Variants in IFIH1 observed in about 807,000 individuals in gnomAD.
IFIH1 encodes the protein interferon-induced helicase C domain-containing protein 1.
A neutral mutation model predicts 107.4 loss-of-function variants in IFIH1; 125 were observed. The ratio of observed to expected loss-of-function variants is 1.16; its 90% CI spans 1.01 to 1.35. The LOEUF (loss-of-function observed/expected upper bound fraction) is 1.35, where lower values mean the gene tolerates loss of function less well. Ranked by LOEUF, IFIH1 falls within the 40% of genes most tolerant of loss-of-function variation. The pLI is 0.00. For synonymous variants in IFIH1, 458 were observed against 413.2 expected (o/e 1.11, Z -1.31); for missense variants, 1,333 against 1,213.7 (o/e 1.10, Z -1.46).
intron 10 of IFIH1, 85 bp downstream of exon 10, chr2:162,277,330 T>G: frequency 1.0e-6 from 1 of 954,306 alleles, no homozygotes; most frequent in East Asian, 2.4e-5. Context: ...AAGATATTTC[T>G]CTTTTTGGAG....
At position 162,270,439 on chromosome 2, in the gene IFIH1, T is replaced by C. The variant is rs1051870789; in HGVS notation, c.2616+1787A>G. Among the ~76,000 whole-genome samples, 10 of 152,188 alleles carry C rather than the reference T, an allele frequency of 6.6e-5. 1 individual carries two copies. Among genetic ancestry groups the C allele is most frequent in the African/African-American group, 1.9e-4 (8 of 41,446 alleles). On this transcript the variant is annotated intron_variant, in intron 13 of 15. Transcript: ENST00000649979. ...TGCTCAAATTAGAAGAAAGTAAACA[T>C]CTTCCCAGTAGCAATGTTTTCTACA... is the stretch of plus-strand genomic sequence containing the variant.
intron 3 of IFIH1, among the ~76,000 whole-genome samples, chr2:162,305,672 C>T (rs1445398108): frequency 6.6e-6 from 1 of 152,204 alleles, no homozygotes; most frequent in Non-Finnish European, 1.5e-5. Context: ...CAGGAGCTAA[C>T]TGGTAACTTT....
rs896477290 is a variant in IFIH1 at position 162,288,127 on chromosome 2, T to C, written c.1095+8A>G. The stretch of plus-strand genomic sequence containing the variant: ...ATGATCAACTAGTGTTATGTGTTCT[T>C]TGAATACCTTATTGACAAGAACTAT... On this transcript the variant is annotated splice_region_variant and intron_variant, in intron 5 of 15. Transcript: ENST00000649979. 2 of 1,573,466 alleles carry C rather than the reference T, an allele frequency of 1.3e-6. No homozygotes were observed. The highest frequency in any genetic ancestry group is 2.7e-5 in the African/African-American group (2 of 73,814).
intron 3 of IFIH1, among the ~76,000 whole-genome samples, chr2:162,304,974 G>A (rs1371287024): frequency 6.6e-6 from 1 of 152,112 alleles, no homozygotes; most frequent in East Asian, 1.9e-4. Context: ...AGCAAACTGT[G>A]ACATAAGTAC....
chr2:162,295,064 G>A (rs924520172), intron 3 of IFIH1, among the ~76,000 whole-genome samples: 4 of 151,918 alleles, frequency 2.6e-5, no homozygotes, highest in Admixed American at 2.0e-4. Flanking sequence ...TTTGACAAAT[G>A]TATACAGTTT....
At chr2:162,314,106 C>G (rs939244769) in intron 1 of IFIH1, among the ~76,000 whole-genome samples, 4 of 152,142 alleles carry the variant, frequency 2.6e-5, no homozygotes, top group African/African-American at 9.7e-5. Context: ...TGATCACTTT[C>G]GTTCCCAGAG....
At position 162,281,527 on chromosome 2, in the gene IFIH1, A is replaced by C. The variant is rs1252650971; in HGVS notation, c.1325T>G (p.Ile442Ser). ...VQLSDFSLII[I>S]DECHHTNKEA... ...TTTGTTGGTGTGATGACATTCATCA[A>C]TGATAATGAGGGAAAAGTCTTAAAA... The change falls in exon 7 of 16, where the codon ATT becomes AGT. Residue 442 changes from isoleucine (I) to serine (S), a missense_variant. Ile to Ser is a moderately radical substitution (Grantham distance 142). Coordinates refer to ENST00000649979, the MANE Select transcript of IFIH1 (RefSeq NM_022168.4). 1 of 1,609,430 alleles carries C rather than the reference A, an allele frequency of 6.2e-7. No homozygotes were observed. Among genetic ancestry groups the C allele is most frequent in the Admixed American group, 1.7e-5 (1 of 59,676 alleles).
At chr2:162,282,072 T>A (rs1576226936) in intron 6 of IFIH1, among the ~76,000 whole-genome samples, 2 of 152,126 alleles carry the variant, frequency 1.3e-5, no homozygotes, top group East Asian at 3.9e-4. Flanking sequence ...ATTTTTATTC[T>A]ATGGGAAAGG....
chr2:162,277,477 T>A lies in IFIH1; in HGVS notation c.1982A>T (p.Asp661Val). 6.2e-7 allele frequency: 1 copy of A among 1,606,096 alleles called. No homozygotes were observed. Among genetic ancestry groups the A allele is most frequent in the East Asian group, 2.2e-5 (1 of 44,764 alleles). Residue 661 changes from aspartate to valine, a missense_variant, in exon 10 of 16, where the codon GAT becomes GTT. Coordinates refer to ENST00000649979, the MANE Select transcript of IFIH1 (RefSeq NM_022168.4). The stretch of plus-strand genomic sequence containing the variant: ...CAGTTTCAAAGGTTTCTTTAAATCA[T>A]CCTCATCTTCATCACCATCACAATA... ...DEYCDGDEDE[D>V]DLKKPLKLDE...
At position 162,273,883 on chromosome 2, in the gene IFIH1, G is replaced by A. The variant is rs778200491; in HGVS notation, c.2366C>T (p.Thr789Ile). 2.2e-5 allele frequency: 36 copies of A among 1,609,974 alleles called. No individual in the cohort carries two copies. In the East Asian group the frequency reaches 6.9e-4, roughly 31 times the overall value. ...ATCCAGACCTTCTTCTGCCACTGTG[G>A]TAGCGATAAGCAGATTTATTTTTCC... is the stretch of plus-strand genomic sequence containing the variant. Reference protein sequence around the residue: ...RTGKINLLIATTVAEEGLDIK... With the variant: ...RTGKINLLIAITVAEEGLDIK... The change falls in exon 12 of 16, where the codon ACC (threonine) becomes ATC (isoleucine). Residue 789 changes from threonine (T) to isoleucine (I), a missense_variant. Coordinates refer to ENST00000649979, the MANE Select transcript of IFIH1 (RefSeq NM_022168.4).
At position 162,277,723 on chromosome 2, in the gene IFIH1, T is replaced by C. The variant is rs771474528; in HGVS notation, c.1766-30A>G. On this transcript the variant is annotated intron_variant, in intron 9 of 15. Coordinates refer to ENST00000649979, the MANE Select transcript of IFIH1 (RefSeq NM_022168.4). ...GAAAAAATATATTATGTAAGTGAAA[T>C]AATAAGCATATAAACCCCCTAAAAT... 6 of 1,578,734 alleles carry C rather than the reference T, an allele frequency of 3.8e-6. No homozygotes were observed. The African/African-American group carries it at 5.4e-5, about 14-fold the overall frequency.
intron 1 of IFIH1, among the ~76,000 whole-genome samples, chr2:162,317,511 A>T (rs935924962): frequency 6.6e-6 from 1 of 152,206 alleles, no homozygotes; most frequent in African/African-American, 2.4e-5. Flanking sequence ...AATGGAGTTA[A>T]TAACATTAGG....
chr2:162,307,721 A>G (rs1178976291), intron 2 of IFIH1, among the ~76,000 whole-genome samples: 1 of 152,182 alleles, frequency 6.6e-6, no homozygotes, highest in Non-Finnish European at 1.5e-5. Flanking sequence ...AATGTGCCCC[A>G]CTTTGTATGG....
chr2:162,304,508 A>G (rs1303228010), intron 3 of IFIH1, among the ~76,000 whole-genome samples: 1 of 152,158 alleles, frequency 6.6e-6, no homozygotes, highest in Non-Finnish European at 1.5e-5. Flanking sequence ...AAAAAGAGAA[A>G]AATCCACAAA....
intron 3 of IFIH1, among the ~76,000 whole-genome samples, chr2:162,299,579 C>G (rs1374356976): frequency 2.0e-5 from 3 of 152,002 alleles, no homozygotes; most frequent in Non-Finnish European, 2.9e-5. Context: ...ACACTGGGGT[C>G]TTACAAGCCA....
At position 162,278,209 on chromosome 2, in the gene IFIH1, T is replaced by A; in HGVS notation, c.1761A>T (p.Lys587Asn). 1 of 1,603,344 alleles carries A rather than the reference T, an allele frequency of 6.2e-7. No individual in the cohort carries two copies. Among genetic ancestry groups the A allele is most frequent in the Non-Finnish European group, 8.5e-7 (1 of 1,177,104 alleles). ...TTAGGTCCAAACCTAAATTACCTTT[T>A]TTTTCCATTTGAATGGCCCATTGTT... ...PYEQWAIQME[K>N]KAAKEGNRKE... Residue 587 changes from lysine (K) to asparagine (N), a missense_variant, in exon 9 of 16, where the codon AAA becomes AAT. By Grantham distance (94) the Lys-to-Asn change is moderately conservative. Coordinates refer to ENST00000649979, the MANE Select transcript of IFIH1 (RefSeq NM_022168.4).
chr2:162,269,908 T>G (rs914676981), intron 13 of IFIH1, among the ~76,000 whole-genome samples: 1 of 152,178 alleles, frequency 6.6e-6, no homozygotes, highest in Non-Finnish European at 1.5e-5. Context: ...AGCAAAATAA[T>G]ACACTGAAAT....
At chr2:162,273,372 A>G (rs1691082935) in intron 12 of IFIH1, among the ~76,000 whole-genome samples, 2 of 152,170 alleles carry the variant, frequency 1.3e-5, no homozygotes, top group South Asian at 2.1e-4. Context: ...AGGATAAGGG[A>G]AGAAAATGCA....
chr2:162,270,953 T>C lies in IFIH1; in HGVS notation c.2616+1273A>G, dbSNP rs539991539. 2.6e-5 allele frequency among the ~76,000 whole-genome samples: 4 copies of C among 152,272 alleles called. No homozygotes were observed. In the East Asian group the frequency reaches 7.7e-4, roughly 29 times the overall value. On this transcript the variant is annotated intron_variant, in intron 13 of 15. Coordinates refer to ENST00000649979, the MANE Select transcript of IFIH1 (RefSeq NM_022168.4). ...CCCTTTAGTGAAACTCTATTTAAGGTAGAGCCAATTCCAATGTTAAGAAAC... is the reference window on the plus strand; with the variant it reads ...CCCTTTAGTGAAACTCTATTTAAGGCAGAGCCAATTCCAATGTTAAGAAAC...
Sources: gnomAD v4.1 joint callset for allele counts (sites outside exome capture counted in the v4.1 genomes callset) on GRCh38, gnomAD v4.1.1 for gene constraint, MANE v1.5 for transcripts, NCBI Gene and HGNC (gene_info 2026-07-23, HGNC 2026-07-21) for gene names.